CREB5: variants seen among roughly 807,000 people sequenced by gnomAD.
The protein encoded by CREB5 is cAMP responsive element binding protein 5.
Under a neutral mutation model 57.1 loss-of-function variants are expected in CREB5, and 19 were observed. The ratio of observed to expected loss-of-function variants is 0.33; its 90% CI spans 0.23 to 0.49. CREB5 has a LOEUF of 0.49. Ranked by LOEUF, CREB5 falls within the 20% of genes least tolerant of loss-of-function variation. The pLI is 0.99. For synonymous variants in CREB5, 238 were observed against 238.3 expected (o/e 1.00, Z 0.01); for missense variants, 579 against 671.6 (o/e 0.86, Z 1.52).
In CREB5 at chr7:28,819,147, C is replaced by G; in HGVS notation, c.1395C>G (p.Val465=). 2 of 1,613,562 alleles carry G rather than the reference C, an allele frequency of 1.2e-6. No individual in the cohort carries two copies. The highest frequency in any genetic ancestry group is 1.7e-6 in the Non-Finnish European group (2 of 1,179,768). The part of the protein sequence containing the change: ...SPESSPPASP[V]PACSQQQVIQ... ...AGAGTAGCCCTCCTGCTAGTCCTGTCCCAGCTTGCTCCCAGCAACAAGTCA... is the reference window on the plus strand; with the variant it reads ...AGAGTAGCCCTCCTGCTAGTCCTGTGCCAGCTTGCTCCCAGCAACAAGTCA... Residue 465 remains valine, a synonymous_variant, in exon 11 of 11, where the codon GTC becomes GTG. Coordinates refer to ENST00000357727, the MANE Select transcript of CREB5 (RefSeq NM_182898.4).
intron 1 of CREB5, among the ~76,000 whole-genome samples, chr7:28,397,678 C>T (rs1324692036): frequency 6.6e-6 from 1 of 152,082 alleles, no homozygotes; most frequent in African/African-American, 2.4e-5. Context: ...AGGACTATAC[C>T]ACAGATGCAA....
intron 7 of CREB5, among the ~76,000 whole-genome samples, chr7:28,762,402 C>CTTTAT (rs1805710516): frequency 6.6e-6 from 1 of 152,082 alleles, no homozygotes; most frequent in African/African-American, 2.4e-5. Context: ...TCCAGCAACC[C>CTTTAT]TTTATTTTGT....
intron 4 of CREB5, among the ~76,000 whole-genome samples, chr7:28,551,975 T>TTCTC (rs1224502131): frequency 3.8e-5 from 5 of 132,748 alleles, no homozygotes; most frequent in African/African-American, 1.5e-4. Context: ...TATTCTCTCT[T>TTCTC]TCTCTCTCTC....
At chr7:28,559,718 C>T (rs1795007049) in intron 4 of CREB5, among the ~76,000 whole-genome samples, 1 of 152,220 alleles carries the variant, frequency 6.6e-6, no homozygotes, top group Admixed American at 6.5e-5. Flanking sequence ...CATTTCAACG[C>T]CTCAAAAATC....
At chr7:28,334,348 G>T (rs965376702) in intron 1 of CREB5, among the ~76,000 whole-genome samples, 11 of 152,040 alleles carry the variant, frequency 7.2e-5, no homozygotes, top group Non-Finnish European at 1.5e-4. Flanking sequence ...GTAGAGACGG[G>T]GTTTCACCAT....
At chr7:28,343,486 C>A (rs1370441185) in intron 1 of CREB5, among the ~76,000 whole-genome samples, 1 of 151,256 alleles carries the variant, frequency 6.6e-6, no homozygotes, top group Admixed American at 6.6e-5. Flanking sequence ...TCACTTAACA[C>A]AGTATTCCCT....
chr7:28,550,496 T>C (rs1432996826), intron 4 of CREB5, among the ~76,000 whole-genome samples: 1 of 152,132 alleles, frequency 6.6e-6, no homozygotes, highest in Non-Finnish European at 1.5e-5. Context: ...TGCTTTACAG[T>C]TTAAAAGTGA....
chr7:28,703,300 T>G (rs978427525), intron 5 of CREB5, among the ~76,000 whole-genome samples: 2 of 152,062 alleles, frequency 1.3e-5, no homozygotes, highest in Non-Finnish European at 2.9e-5. Flanking sequence ...GTGGAGTGAA[T>G]AGAACTTGGT....
At chr7:28,401,795 T>C (rs1787469836) in intron 1 of CREB5, among the ~76,000 whole-genome samples, 2 of 152,256 alleles carry the variant, frequency 1.3e-5, no homozygotes, top group African/African-American at 4.8e-5. Context: ...CCACATTTTG[T>C]TAATCCAGTC....
Position 28,508,918 on chromosome 7 carries a change from TA to T in CREB5, c.291+1187del, listed in dbSNP as rs577717013. ...CCAAATAATAAGGTTCTGAGCACTT[TA>T]AAAAATTAACTTAATAAAAATAAAA... On this transcript the variant is annotated intron_variant, in intron 4 of 10. Transcript: ENST00000357727. 3.5e-4 allele frequency among the ~76,000 whole-genome samples: 54 copies of T among 152,326 alleles called. No individual in the cohort carries two copies. In the Middle Eastern group the frequency reaches 0.01, roughly 29 times the overall value.
At chr7:28,331,440 C>T (rs1269728122) in intron 1 of CREB5, among the ~76,000 whole-genome samples, 2 of 151,720 alleles carry the variant, frequency 1.3e-5, no homozygotes, top group Admixed American at 6.6e-5. Context: ...TTTTTTTGCC[C>T]CTCATGAACC....
At chr7:28,728,050 A>T (rs1562599837) in intron 7 of CREB5, among the ~76,000 whole-genome samples, 1 of 152,098 alleles carries the variant, frequency 6.6e-6, no homozygotes, top group African/African-American at 2.4e-5. Flanking sequence ...GGCTGAAGCA[A>T]TCCTTCCACC....
chr7:28,499,349 T>C (rs1792182824), intron 3 of CREB5, among the ~76,000 whole-genome samples: 1 of 152,146 alleles, frequency 6.6e-6, no homozygotes, highest in Non-Finnish European at 1.5e-5. Flanking sequence ...GTTCAGTCTT[T>C]ACTGTGGAGA....
intron 7 of CREB5, among the ~76,000 whole-genome samples, chr7:28,745,383 A>T (rs1279401018): frequency 6.6e-6 from 1 of 152,178 alleles, no homozygotes. Context: ...ACCCAATGTC[A>T]TGCTTGCTTT....
chr7:28,737,538 CGTATATATAT>C (rs1320182774), intron 7 of CREB5, among the ~76,000 whole-genome samples: 819 of 47,858 alleles, frequency 0.017, 15 homozygotes, highest in East Asian at 0.038. Flanking sequence ...TATATATATA[CGTATATATAT>C]ATATATATAT....
intron 1 of CREB5, among the ~76,000 whole-genome samples, chr7:28,444,468 G>T (rs1789336399): frequency 6.6e-6 from 1 of 152,108 alleles, no homozygotes; most frequent in Admixed American, 6.5e-5. Context: ...TTGGTGGCTG[G>T]AATACCTACC....
At position 28,507,641 on chromosome 7, in the gene CREB5, C is replaced by G. The variant is rs780080880; in HGVS notation, c.195C>G (p.Phe65Leu). ...ATCAAACTCCGACCCCAACGAGATT[C>G]CTGAAGAACTGCGAGGAGGTGGGCC... Reference protein sequence around the residue: ...LSDQTPTPTRFLKNCEEVGLF... With the variant: ...LSDQTPTPTRLLKNCEEVGLF... The change falls in exon 4 of 11, where the codon TTC becomes TTG. Residue 65 changes from phenylalanine to leucine, a missense_variant. By Grantham distance (22) the Phe-to-Leu change is conservative. Coordinates refer to ENST00000357727, the MANE Select transcript of CREB5 (RefSeq NM_182898.4). 3 of 1,610,332 alleles carry G rather than the reference C, an allele frequency of 1.9e-6. No homozygotes were observed. The highest frequency in any genetic ancestry group is 2.5e-6 in the Non-Finnish European group (3 of 1,177,400).
intron 5 of CREB5, among the ~76,000 whole-genome samples, chr7:28,679,624 C>T (rs1218253054): frequency 1.3e-5 from 2 of 152,180 alleles, no homozygotes; most frequent in African/African-American, 4.8e-5. Flanking sequence ...ACCCTCATCC[C>T]TTGGAAAATC....
intron 1 of CREB5, among the ~76,000 whole-genome samples, chr7:28,447,399 T>C (rs935992024): frequency 6.6e-6 from 1 of 152,228 alleles, no homozygotes; most frequent in Admixed American, 6.5e-5. Context: ...TCAAACAAGT[T>C]TCTTCATTTG....
Sources: allele counts gnomAD v4.1 joint callset (sites outside exome capture counted in the v4.1 genomes callset), GRCh38; gene constraint gnomAD v4.1.1; transcripts MANE v1.5; gene names NCBI Gene and HGNC (gene_info 2026-07-23, HGNC 2026-07-21).